Variants in AFF2 observed in about 807,000 individuals in gnomAD.
The protein encoded by AFF2 is ALF transcription elongation factor 2.
Under a neutral mutation model 76.9 loss-of-function variants are expected in AFF2, and 14 were observed. The observed-to-expected ratio is 0.18, with a 90% CI of 0.12 to 0.28. AFF2 has a LOEUF of 0.28. Among genes scored for constraint, AFF2 ranks in the 10% least tolerant of loss-of-function variants. The pLI is 1.00. For missense variants in AFF2, 868 were observed against 1,001.1 expected, an observed-to-expected ratio of 0.87 and a Z score of 1.79; for synonymous variants, 398 against 366.7, an observed-to-expected ratio of 1.09 and a Z score of -0.98.
chrX:148,888,037 G>T (rs2071180100), intron 8 of AFF2, among the ~76,000 whole-genome samples: 1 of 111,819 alleles, frequency 8.9e-6, no homozygotes, highest in African/African-American at 3.2e-5. Flanking sequence ...TTTTATTGCG[G>T]CAAAATTCGC....
intron 3 of AFF2, among the ~76,000 whole-genome samples, chrX:148,682,578 GTGGA>G (rs781792992): frequency 0.23 from 24,789 of 106,149 alleles, 2,470 homozygotes; most frequent in Middle Eastern, 0.35. Flanking sequence ...GGGTGGACAG[GTGGA>G]TGGATGGATG....
intron 3 of AFF2, among the ~76,000 whole-genome samples, chrX:148,780,544 A>G (rs368837325): frequency 3.6e-5 from 4 of 111,867 alleles, no homozygotes; most frequent in East Asian, 5.6e-4. Flanking sequence ...CAATTTGGCT[A>G]TTGATACTTG....
Position 148,838,024 on chromosome X carries a change from T to C in AFF2, c.1173+291T>C, listed in dbSNP as rs551495428. Among the ~76,000 whole-genome samples the C allele has an allele frequency of 1.9e-4, 21 of 111,830 alleles. No individual in the cohort carries two copies. In the South Asian group the frequency reaches 7.5e-3, roughly 40 times the overall value. ...ATTGAATAACTCATCCCTTAAGAAA[T>C]ATCAAATAGATGATGGAACAGCAAC... is the stretch of plus-strand genomic sequence containing the variant. On this transcript the variant is annotated intron_variant, in intron 5 of 20. Transcript: ENST00000370460.
chrX:148,797,874 T>C (rs2070006330), intron 3 of AFF2, among the ~76,000 whole-genome samples: 1 of 112,074 alleles, frequency 8.9e-6, no homozygotes. Context: ...ATGTGCCTCA[T>C]TTAGGGATCA....
At chrX:148,644,913 G>T (rs1178521944) in intron 1 of AFF2, among the ~76,000 whole-genome samples, 1 of 112,067 alleles carries the variant, frequency 8.9e-6, no homozygotes, top group African/African-American at 3.2e-5. Context: ...TTCTCTGGAT[G>T]ATTCTGATAG....
intron 1 of AFF2, among the ~76,000 whole-genome samples, chrX:148,637,183 G>T (rs1277906288): frequency 8.9e-6 from 1 of 111,744 alleles, no homozygotes; most frequent in African/African-American, 3.3e-5. Flanking sequence ...CTTCCATATG[G>T]TGCATTGGGT....
intron 9 of AFF2, among the ~76,000 whole-genome samples, chrX:148,909,060 A>G (rs1306072390): frequency 8.9e-6 from 1 of 112,211 alleles, no homozygotes; most frequent in East Asian, 2.8e-4. Context: ...GCTGAAGGTT[A>G]AACTATCAAT....
intron 1 of AFF2, among the ~76,000 whole-genome samples, chrX:148,561,848 A>C (rs782001732): frequency 4.0e-4 from 44 of 111,140 alleles, no homozygotes; most frequent in African/African-American, 1.3e-3. Flanking sequence ...AAATGGTTCA[A>C]CCAAGGGGAA....
Position 148,662,105 on chromosome X carries a change from C to T in AFF2, c.378C>T (p.His126=). 2 of 1,207,550 alleles carry T rather than the reference C, an allele frequency of 1.7e-6. No individual in the cohort carries two copies. Among genetic ancestry groups the T allele is most frequent in the Non-Finnish European group, 2.2e-6 (2 of 891,585 alleles). Residue 126 remains histidine, a synonymous_variant, in exon 3 of 21, where the codon CAC becomes CAT. Transcript: ENST00000370460. Reference sequence around the variant, plus strand: ...AAAAGAACAGAATAATTCCACCTCACCAGGATAATACCCATCCTTCAGCAC... The same window carrying T: ...AAAAGAACAGAATAATTCCACCTCATCAGGATAATACCCATCCTTCAGCAC... ...PEQKNRIIPP[H]QDNTHPSAPM...
chrX:148,784,518 C>T (rs1360892731), intron 3 of AFF2, among the ~76,000 whole-genome samples: 2 of 111,443 alleles, frequency 1.8e-5, no homozygotes, highest in African/African-American at 6.5e-5. Flanking sequence ...TTGGCAAAAC[C>T]CCAGGGCTGA....
intron 1 of AFF2, among the ~76,000 whole-genome samples, chrX:148,636,839 A>C (rs782759451): frequency 1.1e-4 from 12 of 111,803 alleles, no homozygotes; most frequent in East Asian, 5.6e-4. Context: ...AAAGACTTCA[A>C]AACTGCACAG....
chrX:148,579,311 G>T (rs2053327515), intron 1 of AFF2, among the ~76,000 whole-genome samples: 1 of 111,773 alleles, frequency 8.9e-6, no homozygotes, highest in Non-Finnish European at 1.9e-5. Context: ...TTACCAGATT[G>T]GCTCCAATAT....
At chrX:148,667,655 C>T (rs1482109719) in intron 3 of AFF2, among the ~76,000 whole-genome samples, 1 of 111,519 alleles carries the variant, frequency 9.0e-6, no homozygotes, top group Non-Finnish European at 1.9e-5. Flanking sequence ...GGAAACTCCC[C>T]CTTATAATAA....
At chrX:148,832,723 T>G (rs1288756530) in intron 4 of AFF2, among the ~76,000 whole-genome samples, 1 of 112,190 alleles carries the variant, frequency 8.9e-6, no homozygotes, top group Non-Finnish European at 1.9e-5. Context: ...TATTGCTAAC[T>G]GGGAGAACTA....
chrX:148,985,944 A>G (rs1557291488), intron 19 of AFF2, among the ~76,000 whole-genome samples: 2 of 110,570 alleles, frequency 1.8e-5, no homozygotes, highest in African/African-American at 3.3e-5. Context: ...AGAGCATTGC[A>G]GTTGTAATTG....
At chrX:148,833,517 G>A (rs1557273520) in intron 4 of AFF2, among the ~76,000 whole-genome samples, 2 of 109,390 alleles carry the variant, frequency 1.8e-5, no homozygotes, top group African/African-American at 6.7e-5. Context: ...CAGGAGAATC[G>A]CTGGAACCTG....
At chrX:148,840,322 G>A (rs781895091) in intron 5 of AFF2, among the ~76,000 whole-genome samples, 2 of 111,999 alleles carry the variant, frequency 1.8e-5, no homozygotes, top group South Asian at 7.4e-4. Flanking sequence ...AAATGTCAGT[G>A]TCTATAAATC....
rs1476973859 is a variant in AFF2, at chrX:148,994,812, A to G, written c.*3480A>G. The G allele has an allele frequency of 8.9e-6, 1 of 112,341 alleles. No individual in the cohort carries two copies. Among genetic ancestry groups the G allele is most frequent in the Non-Finnish European group, 1.9e-5 (1 of 53,230 alleles). 9.3% of individuals were successfully genotyped at this position (112,341 alleles called of 1,213,427 possible). A position where few individuals can be genotyped will look rare whatever the true frequency, so the allele number is the denominator to read the frequency against. On this transcript the variant is annotated 3_prime_UTR_variant, in exon 21 of 21. Transcript: ENST00000370460. ...TTGAAGTTGGAGTTTGAGGTTGGAA[A>G]ATATCTTTGAAGGCAGAATCAGTTG...
At chrX:148,855,367 A>G (rs1277541213) in intron 7 of AFF2, among the ~76,000 whole-genome samples, 1 of 111,393 alleles carries the variant, frequency 9.0e-6, no homozygotes, top group African/African-American at 3.3e-5. Flanking sequence ...CACAGGTAGC[A>G]GGATGTTTGA....
Sources: gnomAD v4.1 joint callset for allele counts (sites outside exome capture counted in the v4.1 genomes callset) on GRCh38, gnomAD v4.1.1 for gene constraint, MANE v1.5 for transcripts, NCBI Gene and HGNC (gene_info 2026-07-23, HGNC 2026-07-21) for gene names.